The following TDRKH variants were observed in gnomAD, a reference collection of about 807,000 sequenced individuals.
TDRKH encodes tudor and KH domain containing, also known as tudor and KH domain-containing protein.
In TDRKH, 28 loss-of-function variants were observed where a neutral mutation model predicts 61.3. The observed-to-expected ratio is 0.46, with a 90% CI of 0.34 to 0.63. The LOEUF is 0.63. Ranked by LOEUF, TDRKH falls within the 20% of genes least tolerant of loss-of-function variation. The pLI is 0.01. For missense variants in TDRKH, 540 were observed against 683.4 expected (o/e 0.79, Z 2.34); for synonymous variants, 219 against 244.4 (o/e 0.90, Z 0.97).
Position 151,778,672 on chromosome 1 carries a change from C to G in TDRKH, c.883+13G>C. On this transcript the variant is annotated intron_variant, in intron 6 of 12. Transcript: ENST00000368824. The stretch of plus-strand genomic sequence containing the variant: ...ATCTTCAATGATTAATGGGCTCCCT[C>G]TTTGTTACATACTTTCAAACATGGG... 6.2e-7 allele frequency: 1 copy of G among 1,610,014 alleles called. No individual in the cohort carries two copies. The highest frequency in any genetic ancestry group is 1.7e-4 in the Middle Eastern group (1 of 6,038).
downstream of TDRKH, chr1:151,772,026 C>T (rs546894432): frequency 1.4e-4 from 57 of 398,558 alleles, no homozygotes; most frequent in Middle Eastern, 2.5e-3. Flanking sequence ...AAAGATTCCT[C>T]CAAGAGTACC....
At position 151,779,232 on chromosome 1, in the gene TDRKH, G is replaced by A. The variant is rs988497687; in HGVS notation, c.432C>T (p.Gly144=). 3.7e-6 allele frequency: 6 copies of A among 1,613,948 alleles called. No individual in the cohort carries two copies. The highest frequency in any genetic ancestry group is 4.2e-6 in the Non-Finnish European group (5 of 1,180,002). Residue 144 remains glycine, a synonymous_variant, in exon 5 of 13, where the codon GGC becomes GGT. Transcript: ENST00000368824. ...RSVGRIIGRG[G]ETIRSICKAS... ...CCTTACAGATAGAACGAATTGTCTC[G>A]CCGCCTCTCCCTACATTAAACAATA...
intron 1 of TDRKH, among the ~76,000 whole-genome samples, chr1:151,787,179 G>A (rs944555413): frequency 2.6e-5 from 4 of 152,152 alleles, no homozygotes; most frequent in Admixed American, 1.3e-4. Context: ...TATTCTTGGT[G>A]TCTAGAAAGA....
intron 6 of TDRKH, 101 bp from the exon 7 acceptor site, chr1:151,776,700 A>G (rs2101586526): frequency 2.2e-6 from 3 of 1,383,742 alleles, no homozygotes; most frequent in Non-Finnish European, 2.9e-6. Flanking sequence ...AATGGCTGTT[A>G]CCATTTTAAA....
Position 151,775,939 on chromosome 1 carries a change from T to C in TDRKH, c.1218-55A>G, listed in dbSNP as rs551722512. ...CTGGGGCCAAAAACATCTTCTTACA[T>C]TGCTGCTTTCAGAAAGAACCAACTA... On this transcript the variant is annotated intron_variant, in intron 8 of 12. Transcript: ENST00000368824. 44 of 1,595,836 alleles carry C rather than the reference T, an allele frequency of 2.8e-5. No homozygotes were observed. In the East Asian group the frequency reaches 9.7e-4, roughly 35 times the overall value.
At chr1:151,770,955 T>C, downstream of TDRKH, 3 of 1,370,920 alleles carry the variant, frequency 2.2e-6, no homozygotes, top group South Asian at 5.3e-5. Context: ...CTAAAGCACA[T>C]CCTATATGCC....
chr1:151,774,463 A>C lies in TDRKH; in HGVS notation c.1675T>G (p.Tyr559Asp), dbSNP rs1360235112. 5.6e-6 allele frequency: 9 copies of C among 1,614,094 alleles called. No individual in the cohort carries two copies. Among genetic ancestry groups the C allele is most frequent in the Non-Finnish European group, 7.6e-6 (9 of 1,180,022 alleles). ...CTGAAGCCCAGACTTCAGAGTAAGTAGTCATCTTCAAGGTTATCATCACCA... is the reference window on the plus strand; with the variant it reads ...CTGAAGCCCAGACTTCAGAGTAAGTCGTCATCTTCAAGGTTATCATCACCA... Reference protein sequence around the residue: ...MSGDDNLEDDYLL With the variant: ...MSGDDNLEDDDLL Residue 559 changes from tyrosine (Y) to aspartate (D), a missense_variant, in exon 13 of 13, where the codon TAC (tyrosine) becomes GAC (aspartate). By Grantham distance (160) the Tyr-to-Asp change is radical. Around this residue, in one of 3 missense-constraint regions of TDRKH, gnomAD observed 379 missense variants for 443.8 expected, o/e 0.85. Coordinates refer to ENST00000368824, the MANE Select transcript of TDRKH (RefSeq NM_001083965.2).
At chr1:151,788,282 T>G (rs1650540769) in intron 1 of TDRKH, among the ~76,000 whole-genome samples, 2 of 152,236 alleles carry the variant, frequency 1.3e-5, no homozygotes, top group South Asian at 2.1e-4. Context: ...TGAACTGCAC[T>G]AAATGGACAT....
At chr1:151,771,251 A>C, downstream of TDRKH, 2 of 1,605,022 alleles carry the variant, frequency 1.2e-6, no homozygotes, top group Non-Finnish European at 1.7e-6. Flanking sequence ...GAGGGGCTGG[A>C]AGCCTTGACA....
chr1:151,781,630 C>A, intron 2 of TDRKH, 43 bp from the exon 3 acceptor site: 1 of 1,578,244 alleles, frequency 6.3e-7, no homozygotes, highest in Non-Finnish European at 8.7e-7. Context: ...AGATAACACC[C>A]AAAGCTAGTA....
chr1:151,784,420 C>T (rs1187448253), intron 1 of TDRKH, among the ~76,000 whole-genome samples: 2 of 152,150 alleles, frequency 1.3e-5, no homozygotes, highest in African/African-American at 4.8e-5. Context: ...TATATCTGTC[C>T]TCAAGTTCTC....
downstream of TDRKH, chr1:151,766,687 T>C (rs774981367): frequency 5.8e-6 from 9 of 1,551,150 alleles, no homozygotes; most frequent in Non-Finnish European, 7.8e-6. Context: ...ACCTGTGAAC[T>C]TCACTTTGCC....
At chr1:151,781,241 C>G (rs940558742) in intron 3 of TDRKH, among the ~76,000 whole-genome samples, 8 of 149,778 alleles carry the variant, frequency 5.3e-5, no homozygotes, top group Non-Finnish European at 1.2e-4. Context: ...CACTTGAACC[C>G]AGGAGGCGGA....
intron 8 of TDRKH, 90 bp from the exon 9 acceptor site, chr1:151,775,974 G>C (rs573326236): frequency 1.3e-6 from 2 of 1,573,612 alleles, no homozygotes; most frequent in East Asian, 2.3e-5. Flanking sequence ...AACATGAGAC[G>C]ATAACCATCT....
downstream of TDRKH, chr1:151,771,300 T>C: frequency 6.4e-7 from 1 of 1,560,890 alleles, no homozygotes; most frequent in Non-Finnish European, 8.6e-7. Flanking sequence ...CAGGACACTT[T>C]CCATCCTAGG....
At position 151,776,549 on chromosome 1, in the gene TDRKH, C is replaced by T. The variant is rs762777671; in HGVS notation, c.934G>A (p.Val312Ile). The change falls in exon 7 of 13, where the codon GTT becomes ATT. Residue 312 changes from valine (V) to isoleucine (I), a missense_variant. Val to Ile is a conservative substitution (Grantham distance 29). Around this residue, in one of 3 missense-constraint regions of TDRKH, gnomAD observed 379 missense variants for 443.8 expected, o/e 0.85. Coordinates refer to ENST00000368824, the MANE Select transcript of TDRKH (RefSeq NM_001083965.2). ...TGGTTAGGGTGCTCAGAAGCAGAAACGTAGACTTCTAGGTACTCATCAGCA... is the reference window on the plus strand; with the variant it reads ...TGGTTAGGGTGCTCAGAAGCAGAAATGTAGACTTCTAGGTACTCATCAGCA... The part of the protein sequence containing the change: ...FHADEYLEVY[V>I]SASEHPNHFW... 12 of 1,613,992 alleles carry T rather than the reference C, an allele frequency of 7.4e-6. No individual in the cohort carries two copies. Among genetic ancestry groups the T allele is most frequent in the South Asian group, 4.4e-5 (4 of 91,080 alleles).
downstream of TDRKH, among the ~76,000 whole-genome samples, chr1:151,768,657 G>C (rs1022048700): frequency 2.0e-5 from 3 of 152,180 alleles, no homozygotes; most frequent in Non-Finnish European, 4.4e-5. Context: ...TGGATTCTGA[G>C]TTGGCCAAAT....
At chr1:151,781,317 C>CAAAAAA (rs58169893) in intron 3 of TDRKH, among the ~76,000 whole-genome samples, 164 bp downstream of exon 3, 2 of 64,756 alleles carry the variant, frequency 3.1e-5, no homozygotes, top group South Asian at 4.0e-4. Context: ...AACTCCATCT[C>CAAAAAA]AAAAAAAAAA....
In TDRKH at chr1:151,779,141, T is replaced by G; in HGVS notation, c.523A>C (p.Lys175Gln). The G allele has an allele frequency of 1.9e-6, 3 of 1,614,172 alleles. No individual in the cohort carries two copies. Among genetic ancestry groups the G allele is most frequent in the Non-Finnish European group, 2.5e-6 (3 of 1,180,032 alleles). The change falls in exon 5 of 13, where the codon AAA (lysine) becomes CAA (glutamine). Residue 175 changes from lysine (K) to glutamine (Q), a missense_variant. By Grantham distance (53) the Lys-to-Gln change is moderately conservative. Around this residue, in one of 3 missense-constraint regions of TDRKH, gnomAD observed 156 missense variants for 218.0 expected, o/e 0.72. Transcript: ENST00000368824. ...EGTLLLSRLI[K>Q]ISGTQKEVAA... ...ACTTCCTTCTGTGTTCCTGAGATTT[T>G]TATAAGTCTTGATAGTAGTAATGTC...
Sources: gnomAD v4.1 joint callset for allele counts (sites outside exome capture counted in the v4.1 genomes callset) on GRCh38, gnomAD v4.1.1 for gene constraint, gnomAD v4.1.1 regional missense constraint, MANE v1.5 for transcripts, NCBI Gene and HGNC (gene_info 2026-07-23, HGNC 2026-07-21) for gene names.